Variants in ATRNL1 observed in about 807,000 individuals in gnomAD.
ATRNL1 encodes the protein attractin-like protein 1.
Under a neutral mutation model 182.7 loss-of-function variants are expected in ATRNL1, and 95 were observed. The observed-to-expected ratio is 0.52, with a 90% CI of 0.44 to 0.62. The LOEUF (loss-of-function observed/expected upper bound fraction) is 0.62. Among genes scored for constraint, ATRNL1 ranks in the 20% least tolerant of loss-of-function variants. The probability of loss-of-function intolerance (pLI) is 0.00; values close to 1 mark genes in which losing one functional copy is unlikely to be tolerated. For synonymous variants in ATRNL1, 576 were observed against 568.3 expected, an observed-to-expected ratio of 1.01 and a Z score of -0.19; for missense variants, 1,471 against 1,679.5, an observed-to-expected ratio of 0.88 and a Z score of 2.17.
chr10:115,471,951 T>A (rs1848330175), intron 24 of ATRNL1, among the ~76,000 whole-genome samples: 1 of 150,878 alleles, frequency 6.6e-6, no homozygotes, highest in Non-Finnish European at 1.5e-5. Flanking sequence ...GCTTAGTCCC[T>A]TTATTCTGTT....
At chr10:115,691,558 CA>C (rs1555048220) in intron 26 of ATRNL1, among the ~76,000 whole-genome samples, 2 of 152,052 alleles carry the variant, frequency 1.3e-5, no homozygotes. Context: ...TCCGTCTCTA[CA>C]AAAAATACAA....
At chr10:115,158,195 T>TA (rs1238316446) in intron 5 of ATRNL1, among the ~76,000 whole-genome samples, 1 of 152,086 alleles carries the variant, frequency 6.6e-6, no homozygotes, top group African/African-American at 2.4e-5. Flanking sequence ...TGAAAATAGA[T>TA]ACAACATTTA....
At chr10:115,469,461 A>T in intron 24 of ATRNL1, 132 bp downstream of exon 24, 8 of 500,328 alleles carry the variant, frequency 1.6e-5, no homozygotes, top group Non-Finnish European at 2.8e-5. Context: ...ACCTTTGATA[A>T]ATAAAGGTCT....
At chr10:115,631,505 CT>C (rs1858511312) in intron 26 of ATRNL1, among the ~76,000 whole-genome samples, 1 of 151,956 alleles carries the variant, frequency 6.6e-6, no homozygotes, top group Non-Finnish European at 1.5e-5. Context: ...AATATGTTTT[CT>C]AGGTTTCACA....
intron 25 of ATRNL1, among the ~76,000 whole-genome samples, chr10:115,547,540 A>T (rs528725206): frequency 2.0e-5 from 3 of 152,128 alleles, no homozygotes; most frequent in Non-Finnish European, 2.9e-5. Flanking sequence ...AAATCAGGAA[A>T]ATAACTGAGC....
chr10:115,145,439 A>G (rs1165503047), intron 5 of ATRNL1, among the ~76,000 whole-genome samples: 1 of 152,178 alleles, frequency 6.6e-6, no homozygotes, highest in East Asian at 1.9e-4. Flanking sequence ...GTAAGAGCCA[A>G]GTATTCTTGG....
intron 3 of ATRNL1, among the ~76,000 whole-genome samples, chr10:115,122,372 TTTC>T (rs1844777587): frequency 6.6e-6 from 1 of 151,822 alleles, no homozygotes; most frequent in Admixed American, 6.6e-5. Flanking sequence ...TTAAAAATCT[TTTC>T]TTGTGTATGT....
chr10:115,371,716 A>T (rs1386801342), intron 19 of ATRNL1, among the ~76,000 whole-genome samples: 1 of 152,176 alleles, frequency 6.6e-6, no homozygotes, highest in East Asian at 1.9e-4. Flanking sequence ...GAGACTGTGG[A>T]CTTTTCAGTT....
At chr10:115,641,522 C>T (rs1859247301) in intron 26 of ATRNL1, among the ~76,000 whole-genome samples, 1 of 152,070 alleles carries the variant, frequency 6.6e-6, no homozygotes, top group Admixed American at 6.6e-5. Context: ...TTTGAGAAAA[C>T]AAATCAGGTT....
chr10:115,129,613 T>C, intron 5 of ATRNL1, 78 bp downstream of exon 5: 1 of 1,266,504 alleles, frequency 7.9e-7, no homozygotes, highest in Non-Finnish European at 1.1e-6. Context: ...CACACGTTTG[T>C]TTCGTTATAG....
chr10:115,730,756 T>C (rs1947773178), intron 27 of ATRNL1, among the ~76,000 whole-genome samples: 2 of 152,132 alleles, frequency 1.3e-5, no homozygotes, highest in Admixed American at 1.3e-4. Context: ...GTCAGGGTTC[T>C]ATAGAGGGAC....
chr10:115,691,967 G>A (rs782753952), intron 26 of ATRNL1, among the ~76,000 whole-genome samples: 2 of 152,024 alleles, frequency 1.3e-5, no homozygotes, highest in Non-Finnish European at 2.9e-5. Context: ...TTAGTTTGGT[G>A]TAATCCCACT....
At chr10:115,141,636 T>G (rs965505152) in intron 5 of ATRNL1, among the ~76,000 whole-genome samples, 1 of 152,186 alleles carries the variant, frequency 6.6e-6, no homozygotes, top group Admixed American at 6.5e-5. Flanking sequence ...TATTTTAGGA[T>G]AGTATACACA....
chr10:115,450,689 G>C (rs1380137821), intron 21 of ATRNL1, among the ~76,000 whole-genome samples: 4 of 152,134 alleles, frequency 2.6e-5, no homozygotes, highest in African/African-American at 7.2e-5. Context: ...CATTAAAATT[G>C]CTATACTGCC....
intron 24 of ATRNL1, among the ~76,000 whole-genome samples, chr10:115,517,099 G>A (rs1850677812): frequency 1.3e-5 from 2 of 151,934 alleles, no homozygotes; most frequent in Non-Finnish European, 2.9e-5. Context: ...AATGATTTAA[G>A]TAGATCAATT....
chr10:115,490,831 C>T (rs957420311), intron 24 of ATRNL1, among the ~76,000 whole-genome samples: 1 of 152,104 alleles, frequency 6.6e-6, no homozygotes, highest in Non-Finnish European at 1.5e-5. Context: ...GAATTTTCAG[C>T]CTTTTTGGGC....
At chr10:115,644,744 T>G (rs1446300423) in intron 26 of ATRNL1, among the ~76,000 whole-genome samples, 1 of 152,166 alleles carries the variant, frequency 6.6e-6, no homozygotes, top group Non-Finnish European at 1.5e-5. Context: ...TCAATGCCTC[T>G]CCTCATCTGT....
intron 9 of ATRNL1, among the ~76,000 whole-genome samples, chr10:115,217,422 A>G (rs1290747903): frequency 6.6e-6 from 1 of 152,070 alleles, no homozygotes; most frequent in South Asian, 2.1e-4. Context: ...GTCATACCAA[A>G]AGGGAAGAAT....
intron 24 of ATRNL1, among the ~76,000 whole-genome samples, chr10:115,470,183 G>A (rs1440459362): frequency 6.7e-6 from 1 of 150,222 alleles, no homozygotes; most frequent in Admixed American, 6.7e-5. Context: ...TATGTGATTT[G>A]TGGAAAGAAT....
Sources: allele counts gnomAD v4.1 joint callset (sites outside exome capture counted in the v4.1 genomes callset), GRCh38; gene constraint gnomAD v4.1.1; transcripts MANE v1.5; gene names NCBI Gene and HGNC (gene_info 2026-07-23, HGNC 2026-07-21).